EFL1: variants seen among roughly 807,000 people sequenced by gnomAD.
EFL1 encodes the protein elongation factor like GTPase 1.
Under a neutral mutation model 126.7 loss-of-function variants are expected in EFL1, and 76 were observed. The observed-to-expected ratio is 0.60, with a 90% confidence interval of 0.50 to 0.73. EFL1 has a LOEUF of 0.73. Among genes scored for constraint, EFL1 ranks in the 30% least tolerant of loss-of-function variants. The probability of loss-of-function intolerance (pLI) is 0.00; values close to 1 mark genes in which losing one functional copy is unlikely to be tolerated. For synonymous variants in EFL1, 410 were observed against 448.4 expected (o/e 0.91, Z 1.08); for missense variants, 1,128 against 1,343.2 (o/e 0.84, Z 2.50).
intron 15 of EFL1, among the ~76,000 whole-genome samples, chr15:82,173,851 A>C (rs1046513943): frequency 6.6e-6 from 1 of 152,180 alleles, no homozygotes; most frequent in African/African-American, 2.4e-5. Flanking sequence ...GTCTCACCAA[A>C]TGTACTATTT....
At chr15:82,146,214 T>A (rs534499504) in intron 18 of EFL1, among the ~76,000 whole-genome samples, 1 of 152,316 alleles carries the variant, frequency 6.6e-6, no homozygotes, top group African/African-American at 2.4e-5. Flanking sequence ...TTTATAGGAT[T>A]TCTTGTTTTA....
chr15:82,237,566 T>C (rs1029998356), intron 7 of EFL1, among the ~76,000 whole-genome samples: 8 of 152,324 alleles, frequency 5.3e-5, no homozygotes, highest in Middle Eastern at 3.4e-3. Flanking sequence ...GGTGAGAATA[T>C]AAAATGGTAC....
intron 5 of EFL1, 114 bp downstream of exon 5, chr15:82,241,156 A>T (rs1329301248): frequency 7.9e-7 from 1 of 1,266,372 alleles, no homozygotes; most frequent in Non-Finnish European, 1.1e-6. Flanking sequence ...AACGTTACCA[A>T]ATGTGAAATA....
intron 3 of EFL1, among the ~76,000 whole-genome samples, chr15:82,258,464 T>C (rs2075085034): frequency 6.6e-6 from 1 of 151,966 alleles, no homozygotes; most frequent in Admixed American, 6.6e-5. Context: ...GGTGGGAGGA[T>C]CACCTGAGCC....
chr15:82,237,762 A>G (rs2074888985), intron 7 of EFL1, among the ~76,000 whole-genome samples: 1 of 149,826 alleles, frequency 6.7e-6, no homozygotes, highest in African/African-American at 2.5e-5. Context: ...AAAAAAAAAC[A>G]CCAGATGTCC....
At chr15:82,163,493 A>G (rs7180584) in intron 16 of EFL1, among the ~76,000 whole-genome samples, 101,814 of 152,108 alleles carry the variant, frequency 0.67, 35,770 homozygotes, top group African/African-American at 0.89. Context: ...TCAAGATCAC[A>G]CCAGTGTACT....
At chr15:82,145,797 T>C (rs2073838821) in intron 18 of EFL1, among the ~76,000 whole-genome samples, 1 of 150,840 alleles carries the variant, frequency 6.6e-6, no homozygotes, top group Non-Finnish European at 1.5e-5. Context: ...GATCGTGCCA[T>C]TGCTCTCCAG....
intron 19 of EFL1, among the ~76,000 whole-genome samples, chr15:82,134,370 G>GA (rs1177314344): frequency 6.9e-6 from 1 of 144,992 alleles, no homozygotes; most frequent in Admixed American, 6.8e-5. Flanking sequence ...AGAAAAAGGT[G>GA]CTTTTTTTTT....
intron 15 of EFL1, among the ~76,000 whole-genome samples, chr15:82,183,461 A>G (rs1201050349): frequency 2.6e-5 from 4 of 152,156 alleles, no homozygotes; most frequent in Admixed American, 6.5e-5. Flanking sequence ...ACTTAAGGGC[A>G]TCTTTCAGAA....
intron 19 of EFL1, 76 bp from the exon 20 acceptor site, chr15:82,130,637 T>G: frequency 6.8e-7 from 1 of 1,475,940 alleles, no homozygotes; most frequent in Non-Finnish European, 9.3e-7. Flanking sequence ...GCTCCCCAAT[T>G]TATATAGTCT....
intron 15 of EFL1, among the ~76,000 whole-genome samples, chr15:82,178,337 A>G (rs1375817706): frequency 6.6e-6 from 1 of 152,180 alleles, no homozygotes; most frequent in Admixed American, 6.5e-5. Context: ...GAATGTGTCT[A>G]TCAACTAATC....
intron 15 of EFL1, among the ~76,000 whole-genome samples, chr15:82,194,780 T>G (rs1203795931): frequency 1.3e-5 from 2 of 152,202 alleles, no homozygotes; most frequent in East Asian, 1.9e-4. Context: ...CTCAAAAAGA[T>G]AGATGAAGTT....
At chr15:82,217,373 G>GAAAAAAAAAAAAAAAAAAA in intron 14 of EFL1, among the ~76,000 whole-genome samples, 3 of 27,150 alleles carry the variant, frequency 1.1e-4, no homozygotes, top group Admixed American at 3.8e-4. Flanking sequence ...GATTAGATTT[G>GAAAAAAAAAAAAAAAAAAA]AAAAAAAAAA....
chr15:82,182,014 C>T (rs1188079767), intron 15 of EFL1, among the ~76,000 whole-genome samples: 1 of 152,144 alleles, frequency 6.6e-6, no homozygotes, highest in Non-Finnish European at 1.5e-5. Flanking sequence ...AATCCCAGCA[C>T]TTACGGAGGC....
intron 12 of EFL1, among the ~76,000 whole-genome samples, chr15:82,223,623 T>G (rs768737013): frequency 6.6e-6 from 1 of 152,156 alleles, no homozygotes; most frequent in African/African-American, 2.4e-5. Flanking sequence ...TAACAGCAAG[T>G]TTTCCAATTC....
rs541932700 is a variant in EFL1, at chr15:82,235,291, C to T, written c.731+3016G>A. On this transcript the variant is annotated intron_variant, in intron 7 of 19. Coordinates refer to ENST00000268206, the MANE Select transcript of EFL1 (RefSeq NM_024580.6). ...ATAAAGTGAGTAACTCAATATTTAG[C>T]ATATGTACATCCTCAATAAAGCTAG... 1.5e-4 allele frequency among the ~76,000 whole-genome samples: 23 copies of T among 152,208 alleles called. 1 individual carries two copies. In the South Asian group the frequency reaches 4.4e-3, roughly 29 times the overall value.
At chr15:82,213,325 T>C (rs1178258357) in intron 15 of EFL1, among the ~76,000 whole-genome samples, 2 of 152,200 alleles carry the variant, frequency 1.3e-5, no homozygotes, top group Non-Finnish European at 2.9e-5. Context: ...GGTATATCTC[T>C]TCTCCAAGAA....
intron 11 of EFL1, among the ~76,000 whole-genome samples, chr15:82,227,028 T>G (rs1424440950): frequency 6.6e-6 from 1 of 152,174 alleles, no homozygotes; most frequent in African/African-American, 2.4e-5. Context: ...AACTGGCCAT[T>G]AGATTTAATG....
At chr15:82,136,617 G>T (rs2073724921) in intron 19 of EFL1, among the ~76,000 whole-genome samples, 1 of 152,130 alleles carries the variant, frequency 6.6e-6, no homozygotes, top group Non-Finnish European at 1.5e-5. Context: ...TAATACATTT[G>T]CACTACAGAC....
Sources: allele counts gnomAD v4.1 joint callset (sites outside exome capture counted in the v4.1 genomes callset), GRCh38; gene constraint gnomAD v4.1.1; transcripts MANE v1.5; gene names NCBI Gene and HGNC (gene_info 2026-07-23, HGNC 2026-07-21).